IL12RB2: variants seen among roughly 807,000 people sequenced by gnomAD.
IL12RB2 encodes interleukin 12 receptor subunit beta 2.
A neutral mutation model predicts 89.4 loss-of-function variants in IL12RB2; 82 were observed. The observed-to-expected ratio is 0.92, with a 90% CI of 0.77 to 1.10. The LOEUF (loss-of-function observed/expected upper bound fraction) is 1.10. Ranked by LOEUF, IL12RB2 falls within the 50% of genes least tolerant of loss-of-function variation. IL12RB2 has a pLI of 0.00. For missense variants in IL12RB2, 963 were observed against 1,031.9 expected (o/e 0.93, Z 0.92); for synonymous variants, 368 against 370.1 (o/e 0.99, Z 0.07).
chr1:67,329,221 C>G (rs1200690656), intron 6 of IL12RB2, among the ~76,000 whole-genome samples: 7 of 152,174 alleles, frequency 4.6e-5, no homozygotes, highest in Admixed American at 1.3e-4. Context: ...TCTTCTCCTC[C>G]TGAGGCAGTC....
In IL12RB2 at chr1:67,328,356, T is replaced by G. The variant is rs568710987; in HGVS notation, c.636T>G (p.Leu212=). 1 of 1,614,160 alleles carries G rather than the reference T, an allele frequency of 6.2e-7. No homozygotes were observed. Among genetic ancestry groups the G allele is most frequent in the East Asian group, 2.2e-5 (1 of 44,868 alleles). The change falls in exon 6 of 17, where the codon CTT becomes CTG. Residue 212 remains leucine, a synonymous_variant. Coordinates refer to ENST00000674203, the MANE Select transcript of IL12RB2 (RefSeq NM_001374259.2). ...ATAGTCTTGGAAGCTCCTCTTCACT[T>G]CCATCCACATTCACATTCTTGGACA... ...AVNSLGSSSS[L]PSTFTFLDIV...
At chr1:67,386,772 G>T (rs536864521) in intron 15 of IL12RB2, 103 bp downstream of exon 15, 1 of 815,854 alleles carries the variant, frequency 1.2e-6, no homozygotes, top group East Asian at 2.5e-5. Flanking sequence ...ACACATTCCT[G>T]GTGAGAGACT....
rs2229546 is a variant in IL12RB2 at position 67,395,837 on chromosome 1, C to G, written c.2337C>G (p.Pro779=). The change falls in exon 17 of 17, where the codon CCC becomes CCG. Residue 779 remains proline (P), a synonymous_variant. Coordinates refer to ENST00000674203, the MANE Select transcript of IL12RB2 (RefSeq NM_001374259.2). ...VLESRGSDPK[P]ENPACPWTVL... is the part of the protein sequence containing the mutation. ...AGAGCAGGGGCTCCGACCCAAAGCC[C>G]GAAAACCCAGCCTGTCCCTGGACGG... The G allele has an allele frequency of 5.6e-6, 9 of 1,610,512 alleles. No individual in the cohort carries two copies. The highest frequency in any genetic ancestry group is 1.7e-5 in the Admixed American group (1 of 59,736).
In IL12RB2 at chr1:67,328,365, A is replaced by T. The variant is rs373799683; in HGVS notation, c.645A>T (p.Thr215=). Residue 215 remains threonine (T), a synonymous_variant, in exon 6 of 17, where the codon ACA becomes ACT. Coordinates refer to ENST00000674203, the MANE Select transcript of IL12RB2 (RefSeq NM_001374259.2). The part of the protein sequence containing the change: ...SLGSSSSLPS[T]FTFLDIVRPL... ...GAAGCTCCTCTTCACTTCCATCCACATTCACATTCTTGGACATAGGTACAT... is the reference window on the plus strand; with the variant it reads ...GAAGCTCCTCTTCACTTCCATCCACTTTCACATTCTTGGACATAGGTACAT... 1 of 1,614,200 alleles carries T rather than the reference A, an allele frequency of 6.2e-7. No individual in the cohort carries two copies. Among genetic ancestry groups the T allele is most frequent in the Non-Finnish European group, 8.5e-7 (1 of 1,180,038 alleles).
intron 13 of IL12RB2, among the ~76,000 whole-genome samples, chr1:67,379,509 C>CTAAAAA (rs764501901): frequency 1.5e-5 from 1 of 68,492 alleles, no homozygotes; most frequent in Non-Finnish European, 2.6e-5. Context: ...GAACCTGTCT[C>CTAAAAA]AAAAAAAAAA....
chr1:67,327,245 C>T (rs1241004046), intron 5 of IL12RB2, among the ~76,000 whole-genome samples: 2 of 152,110 alleles, frequency 1.3e-5, no homozygotes, highest in Non-Finnish European at 2.9e-5. Context: ...AGGTGTGAGC[C>T]ACGGTGCCCG....
intron 8 of IL12RB2, among the ~76,000 whole-genome samples, chr1:67,337,249 T>C (rs729188): frequency 0.48 from 73,380 of 152,038 alleles, 20,294 homozygotes; most frequent in Non-Finnish European, 0.6. Flanking sequence ...TAGATGGAAC[T>C]TTCTAACCTA....
intron 10 of IL12RB2, among the ~76,000 whole-genome samples, chr1:67,360,402 G>GAA (rs367862217): frequency 8.5e-6 from 1 of 117,954 alleles, no homozygotes; most frequent in Admixed American, 8.4e-5. Flanking sequence ...GTCTCAGAAA[G>GAA]AAAAAAAAAA....
rs2100497071 is a variant in IL12RB2 at position 67,310,628 on chromosome 1, G to A, written c.-125+2661G>A. Among the ~76,000 whole-genome samples the A allele has an allele frequency of 1.3e-5, 2 of 152,304 alleles. 1 individual carries two copies. Among genetic ancestry groups the A allele is most frequent in the East Asian group, 3.9e-4 (2 of 5,186 alleles). ...GCCTTTTTTCTTATAATAATAGCAG[G>A]TAACATTGATTGAGCTCTTGCTATA... On this transcript the variant is annotated intron_variant, in intron 1 of 16. Transcript: ENST00000674203.
intron 9 of IL12RB2, among the ~76,000 whole-genome samples, chr1:67,341,638 A>T (rs995668898): frequency 6.6e-6 from 1 of 152,240 alleles, no homozygotes; most frequent in Non-Finnish European, 1.5e-5. Flanking sequence ...AGAAGCTTCT[A>T]TAACTTGATG....
At chr1:67,326,677 C>T in intron 4 of IL12RB2, 58 bp from the exon 5 acceptor site, 2 of 1,593,028 alleles carry the variant, frequency 1.3e-6, no homozygotes, top group South Asian at 1.1e-5. Flanking sequence ...CAGATAATAA[C>T]AATTCGGTTG....
intron 13 of IL12RB2, among the ~76,000 whole-genome samples, chr1:67,376,383 G>A (rs969348897): frequency 6.6e-6 from 1 of 152,122 alleles, no homozygotes; most frequent in Admixed American, 6.5e-5. Flanking sequence ...TCCAGTAGCA[G>A]TGCAGCTGTT....
intron 16 of IL12RB2, among the ~76,000 whole-genome samples, chr1:67,393,339 G>C (rs966902673): frequency 4.6e-5 from 7 of 152,226 alleles, no homozygotes; most frequent in African/African-American, 1.7e-4. Context: ...TGAACTGATA[G>C]TGGTTTAAGA....
At chr1:67,368,154 G>A (rs1441076714) in intron 11 of IL12RB2, 129 bp downstream of exon 11, 1 of 708,526 alleles carries the variant, frequency 1.4e-6, no homozygotes, top group Non-Finnish European at 2.6e-6. Flanking sequence ...TGATGACCTA[G>A]AGTCCACCCA....
chr1:67,311,960 A>G (rs1236351607), intron 1 of IL12RB2, among the ~76,000 whole-genome samples: 3 of 152,232 alleles, frequency 2.0e-5, no homozygotes, highest in Non-Finnish European at 4.4e-5. Flanking sequence ...GCAATACCCA[A>G]GATCCAAAGA....
chr1:67,394,936 CT>C (rs1310067863), intron 16 of IL12RB2, among the ~76,000 whole-genome samples: 8 of 152,122 alleles, frequency 5.3e-5, no homozygotes, highest in African/African-American at 1.7e-4. Context: ...CCAGTGCCCT[CT>C]GTCCTCAAGG....
intron 4 of IL12RB2, 52 bp downstream of exon 4, chr1:67,321,941 G>T (rs1311791470): frequency 1.3e-6 from 2 of 1,510,172 alleles, no homozygotes; most frequent in Admixed American, 1.7e-5. Flanking sequence ...TGGTATTTTT[G>T]ATCTTTTGGT....
chr1:67,342,815 G>A (rs1404660950), intron 9 of IL12RB2, among the ~76,000 whole-genome samples: 2 of 138,662 alleles, frequency 1.4e-5, no homozygotes, highest in Non-Finnish European at 3.1e-5. Context: ...GCTGAAGTGT[G>A]GTGGCACAAT....
chr1:67,368,602 A>G (rs771173280), intron 11 of IL12RB2, among the ~76,000 whole-genome samples: 3 of 152,220 alleles, frequency 2.0e-5, no homozygotes, highest in Non-Finnish European at 4.4e-5. Flanking sequence ...AAGTGAGAGA[A>G]CGCATCTGAA....
Sources: gnomAD v4.1 joint callset for allele counts (sites outside exome capture counted in the v4.1 genomes callset) on GRCh38, gnomAD v4.1.1 for gene constraint, MANE v1.5 for transcripts, NCBI Gene and HGNC (gene_info 2026-07-23, HGNC 2026-07-21) for gene names.